Variants in SMPX observed in about 807,000 individuals in gnomAD.
SMPX encodes small muscular protein.
In SMPX, 2 loss-of-function variants were observed where a neutral mutation model predicts 6.3. The observed-to-expected ratio is 0.32, with a 90% CI of 0.13 to 0.99. The LOEUF (loss-of-function observed/expected upper bound fraction) is 0.99. SMPX is among the 50% of genes least tolerant of loss of function. The pLI, the probability that SMPX is intolerant of heterozygous loss-of-function variation, is 0.49. For synonymous variants in SMPX, 32 were observed against 24.7 expected (o/e 1.30, Z -0.88); for missense variants, 60 against 66.8 (o/e 0.90, Z 0.36).
At chrX:21,747,211 T>A (rs1307438098) in intron 2 of SMPX, among the ~76,000 whole-genome samples, 1 of 111,957 alleles carries the variant, frequency 8.9e-6, no homozygotes, top group African/African-American at 3.2e-5. Context: ...GTCTCTTTTT[T>A]TTCCTTTTGT....
At chrX:21,734,697 G>A (rs1167431620) in intron 4 of SMPX, among the ~76,000 whole-genome samples, 1 of 111,393 alleles carries the variant, frequency 9.0e-6, no homozygotes, top group African/African-American at 3.3e-5. Context: ...TGCCTGGTCT[G>A]GTTCCGGTTT....
chrX:21,757,110 G>A (rs765622015), intron 1 of SMPX, among the ~76,000 whole-genome samples: 2 of 112,020 alleles, frequency 1.8e-5, no homozygotes, highest in South Asian at 3.7e-4. Context: ...AAGGGATTCA[G>A]AGGAAAATCA....
intron 1 of SMPX, among the ~76,000 whole-genome samples, chrX:21,755,157 GGTCTA>G (rs1471921924): frequency 1.8e-5 from 2 of 112,462 alleles, no homozygotes; most frequent in Non-Finnish European, 3.8e-5. Context: ...AGAAGAGAAT[GGTCTA>G]GCTCTGGCCT....
intron 4 of SMPX, among the ~76,000 whole-genome samples, chrX:21,732,784 A>C (rs1372981039): frequency 8.9e-6 from 1 of 111,799 alleles, no homozygotes; most frequent in Non-Finnish European, 1.9e-5. Flanking sequence ...CATATGTTGA[A>C]GCCTTAATCC....
intron 2 of SMPX, among the ~76,000 whole-genome samples, chrX:21,747,303 C>T (rs2092822609): frequency 9.0e-6 from 1 of 110,591 alleles, no homozygotes; most frequent in Admixed American, 9.7e-5. Context: ...ATGCAGCAGA[C>T]CTGGTGCATC....
In SMPX at chrX:21,715,303, TGCGCGCAC is replaced by T. The variant is rs1408799441; in HGVS notation, c.*15-8917_*15-8910del. Among the ~76,000 whole-genome samples the T allele has an allele frequency of 9.9e-3, 850 of 86,041 alleles. 12 individuals are homozygous for T. The highest frequency in any genetic ancestry group is 0.048 in the African/African-American group (797 of 16,617). The allele number at this position is 86,041 out of a possible 115,157, so 74.7% of individuals were successfully genotyped here. A position where few individuals can be genotyped will look rare whatever the true frequency, so the allele number is the denominator to read the frequency against. Reference sequence around the variant, plus strand: ...GTGTGTGTGTGTGTGTGTGTGTGTGTGCGCGCACGCGCGCGCGCTCGCGCGCTGGTGGG... The same window carrying T: ...GTGTGTGTGTGTGTGTGTGTGTGTGTGCGCGCGCGCTCGCGCGCTGGTGGG... On this transcript the variant is annotated intron_variant, in intron 4 of 4. Transcript: ENST00000379494.
intron 4 of SMPX, among the ~76,000 whole-genome samples, chrX:21,736,115 G>A (rs899599953): frequency 8.9e-6 from 1 of 112,115 alleles, no homozygotes; most frequent in African/African-American, 3.2e-5. Flanking sequence ...AACTCAAAAC[G>A]GCTCCTCTCT....
At chrX:21,738,578 C>A (rs192662508) in intron 3 of SMPX, among the ~76,000 whole-genome samples, 1 of 110,599 alleles carries the variant, frequency 9.0e-6, no homozygotes, top group East Asian at 2.8e-4. Flanking sequence ...GTTGGAGGAA[C>A]ATTTGATCAC....
chrX:21,732,451 G>A (rs1299306843), intron 4 of SMPX, among the ~76,000 whole-genome samples: 1 of 111,716 alleles, frequency 9.0e-6, no homozygotes, highest in African/African-American at 3.2e-5. Flanking sequence ...TTTGAGAGAA[G>A]CTAGTCTTTC....
In SMPX at chrX:21,706,229, A is replaced by AAC; in HGVS notation, c.*179_*180insGT. 4 of 508,074 alleles carry AAC rather than the reference A, an allele frequency of 7.9e-6. No homozygotes were observed. The highest frequency in any genetic ancestry group is 1.4e-5 in the Non-Finnish European group (4 of 283,375). 41.9% of individuals were successfully genotyped at this position (508,074 alleles called of 1,213,427 possible). ...TCTGTGAGGTGCCAAAAATGAAGAT[A>AAC]AAGTAAGAAATACAGCCAACTAGAA... is the stretch of plus-strand genomic sequence containing the variant. On this transcript the variant is annotated 3_prime_UTR_variant, in exon 5 of 5. Coordinates refer to ENST00000379494, the MANE Select transcript of SMPX (RefSeq NM_014332.3).
chrX:21,733,749 CT>C (rs1255312701), intron 4 of SMPX: 1 of 327,970 alleles, frequency 3.0e-6, no homozygotes, highest in Non-Finnish European at 5.9e-6. Context: ...TCACTGAGTT[CT>C]TTTACCACTG....
At chrX:21,732,920 C>T (rs574800155) in intron 4 of SMPX, among the ~76,000 whole-genome samples, 1 of 111,465 alleles carries the variant, frequency 9.0e-6, no homozygotes, top group African/African-American at 3.3e-5. Flanking sequence ...TCAAAGGACA[C>T]AGCAAGAATA....
intron 4 of SMPX, among the ~76,000 whole-genome samples, chrX:21,720,826 C>A (rs183826985): frequency 8.9e-6 from 1 of 112,464 alleles, no homozygotes; most frequent in Non-Finnish European, 1.9e-5. Context: ...AACTGCTCAG[C>A]ACCCAGTGAT....
chrX:21,745,858 T>C (rs1271242421), intron 2 of SMPX, among the ~76,000 whole-genome samples: 2 of 111,823 alleles, frequency 1.8e-5, no homozygotes, highest in African/African-American at 3.3e-5. Context: ...CTATGGTAGA[T>C]TGTAGTTTTT....
intron 2 of SMPX, among the ~76,000 whole-genome samples, chrX:21,750,165 T>C (rs1053194367): frequency 2.0e-4 from 22 of 111,596 alleles, no homozygotes; most frequent in African/African-American, 6.8e-4. Flanking sequence ...AAACAGATCA[T>C]TGATGGGATT....
chrX:21,720,073 A>G (rs1268997350), intron 4 of SMPX, among the ~76,000 whole-genome samples: 1 of 112,285 alleles, frequency 8.9e-6, no homozygotes, highest in Non-Finnish European at 1.9e-5. Context: ...ATGTCTCCCA[A>G]TGATTCTTGC....
At chrX:21,749,242 G>A (rs2092824830) in intron 2 of SMPX, among the ~76,000 whole-genome samples, 1 of 112,055 alleles carries the variant, frequency 8.9e-6, no homozygotes. Context: ...TTTTACAAAC[G>A]GCTTAAGTTG....
intron 4 of SMPX, among the ~76,000 whole-genome samples, chrX:21,715,298 GTGTGTGCGCGCA>G (rs1442501691): frequency 6.0e-5 from 6 of 99,619 alleles, no homozygotes; most frequent in African/African-American, 2.9e-4. Context: ...GTGTGTGTGT[GTGTGTGCGCGCA>G]CGCGCGCGCG....
intron 4 of SMPX, among the ~76,000 whole-genome samples, chrX:21,717,287 G>A (rs1399924728): frequency 1.8e-5 from 2 of 111,799 alleles, no homozygotes; most frequent in Non-Finnish European, 3.8e-5. Context: ...TCCCCCTTTT[G>A]CTTGACACTT....
Sources: allele counts gnomAD v4.1 joint callset (sites outside exome capture counted in the v4.1 genomes callset), GRCh38; gene constraint gnomAD v4.1.1; transcripts MANE v1.5; gene names NCBI Gene and HGNC (gene_info 2026-07-23, HGNC 2026-07-21).